SEMA4A: variants seen among roughly 807,000 people sequenced by gnomAD.
The protein encoded by SEMA4A is semaphorin 4A.
A neutral mutation model predicts 72.5 loss-of-function variants in SEMA4A; 52 were observed. The ratio of observed to expected loss-of-function variants is 0.72; its 90% CI spans 0.57 to 0.90. SEMA4A has a LOEUF of 0.90. Ranked by LOEUF, SEMA4A falls within the 40% of genes least tolerant of loss-of-function variation. SEMA4A has a pLI of 0.00. For missense variants in SEMA4A, 926 were observed against 959.7 expected (o/e 0.96, Z 0.46); for synonymous variants, 369 against 393.1 (o/e 0.94, Z 0.73).
rs1181334959 is a variant in SEMA4A at position 156,174,801 on chromosome 1, ACT to A, written c.1316-14_1316-13del. 1 of 1,613,898 alleles carries A rather than the reference ACT, an allele frequency of 6.2e-7. No individual in the cohort carries two copies. Among genetic ancestry groups the A allele is most frequent in the African/African-American group, 1.3e-5 (1 of 74,934 alleles). On this transcript the variant is annotated intron_variant, in intron 11 of 14. Coordinates refer to ENST00000368285, the MANE Select transcript of SEMA4A (RefSeq NM_022367.4). The stretch of plus-strand genomic sequence containing the variant: ...CTGTGGATGAGATGAGATGACTTCC[ACT>A]CTCTCTGTCTCCCCATAGCCACAGG...
intron 11 of SEMA4A, among the ~76,000 whole-genome samples, chr1:156,173,439 C>G (rs1348321160): frequency 6.6e-6 from 1 of 151,898 alleles, no homozygotes; most frequent in Non-Finnish European, 1.5e-5. Context: ...GTTTTTTCCC[C>G]CTCCTTGCCC....
At chr1:156,154,222 AAAGGAGGAAAG>A in intron 1 of SEMA4A, 1 of 309,960 alleles carries the variant, frequency 3.2e-6, no homozygotes. Context: ...GAGGGAAGGC[AAAGGAGGAAAG>A]ACAGGAAAGA....
At chr1:156,161,657 C>A in intron 9 of SEMA4A, 139 bp downstream of exon 9, 1 of 826,210 alleles carries the variant, frequency 1.2e-6, no homozygotes, top group Non-Finnish European at 1.9e-6. Context: ...AAATCGTCAC[C>A]ACCTCTCAGG....
At chr1:156,169,096 G>T (rs1003805109) in intron 10 of SEMA4A, among the ~76,000 whole-genome samples, 1 of 152,172 alleles carries the variant, frequency 6.6e-6, no homozygotes, top group Non-Finnish European at 1.5e-5. Context: ...CAGCTCTGTG[G>T]AGTTTGGAGA....
chr1:156,160,775 C>A, intron 7 of SEMA4A, 130 bp from the exon 8 acceptor site: 2 of 1,390,934 alleles, frequency 1.4e-6, no homozygotes, highest in Non-Finnish European at 2.0e-6. Flanking sequence ...ATCGCTACCC[C>A]TCGACAAGCT....
chr1:156,167,930 G>GT (rs958584751), intron 10 of SEMA4A, among the ~76,000 whole-genome samples: 34 of 151,016 alleles, frequency 2.3e-4, no homozygotes, highest in African/African-American at 6.8e-4. Flanking sequence ...TTTGTTTTTT[G>GT]TTTTTTTTGA....
upstream of SEMA4A, among the ~76,000 whole-genome samples, chr1:156,152,235 G>A (rs1018407119): frequency 2.0e-5 from 3 of 152,202 alleles, no homozygotes; most frequent in Non-Finnish European, 2.9e-5. Context: ...TAGAGGGGCT[G>A]GGGAAGAGGA....
At chr1:156,155,088 TAGA>T in intron 2 of SEMA4A, 1 of 301,210 alleles carries the variant, frequency 3.3e-6, no homozygotes, top group Admixed American at 4.8e-5. Flanking sequence ...AGGCCCATGC[TAGA>T]AGACCATATG....
In SEMA4A at chr1:156,176,963, C is replaced by T. The variant is rs1444413168; in HGVS notation, c.2252C>T (p.Ala751Val). ...ECRTSASDVD[A>V]DNNCLGTEVA The stretch of plus-strand genomic sequence containing the variant: ...AGGACCTCTGCCAGTGATGTGGACG[C>T]TGACAACAACTGCCTAGGCACTGAG... The change falls in exon 15 of 15, where the codon GCT (alanine) becomes GTT (valine). Residue 751 changes from alanine to valine, a missense_variant. Coordinates refer to ENST00000368285, the MANE Select transcript of SEMA4A (RefSeq NM_022367.4). 2 of 1,612,672 alleles carry T rather than the reference C, an allele frequency of 1.2e-6. No individual in the cohort carries two copies. The highest frequency in any genetic ancestry group is 1.7e-5 in the Admixed American group (1 of 60,036).
At chr1:156,169,887 TG>T (rs1283234659) in intron 10 of SEMA4A, among the ~76,000 whole-genome samples, 1 of 151,108 alleles carries the variant, frequency 6.6e-6, no homozygotes, top group Non-Finnish European at 1.5e-5. Context: ...TAGCTGGGTG[TG>T]GTTGTATGTG....
Position 156,157,495 on chromosome 1 carries a change from A to G in SEMA4A, c.301-575A>G, listed in dbSNP as rs181880065. Reference sequence around the variant, plus strand: ...CACTGTGCCTGGCTGCTTCTGTCTTAGTCGCCCTATTAATGGGAACAATGT... The same window carrying G: ...CACTGTGCCTGGCTGCTTCTGTCTTGGTCGCCCTATTAATGGGAACAATGT... On this transcript the variant is annotated intron_variant, in intron 3 of 14. Transcript: ENST00000368285. This position sits in a 1 kb window ranked among gnomAD's most constrained non-coding sequence, Gnocchi z 4.5. 2.0e-5 allele frequency among the ~76,000 whole-genome samples: 3 copies of G among 152,240 alleles called. No homozygotes were observed. The East Asian group carries it at 5.8e-4, about 29-fold the overall frequency.
chr1:156,164,187 G>A (rs540299560), intron 10 of SEMA4A, among the ~76,000 whole-genome samples: 3 of 152,188 alleles, frequency 2.0e-5, no homozygotes, highest in South Asian at 4.2e-4. Context: ...TAGATCTATA[G>A]GGTTGACTAT....
chr1:156,160,774 C>A, intron 7 of SEMA4A, 131 bp from the exon 8 acceptor site: 1 of 1,361,840 alleles, frequency 7.3e-7, no homozygotes, highest in East Asian at 2.3e-5. Context: ...CATCGCTACC[C>A]CTCGACAAGC....
chr1:156,154,429 C>T (rs530515695), intron 1 of SEMA4A, 121 bp from the exon 2 acceptor site: 180 of 877,826 alleles, frequency 2.1e-4, no homozygotes, highest in Non-Finnish European at 4.5e-5. Context: ...TTCTCTGCCC[C>T]AATGCCCCAC....
chr1:156,172,754 A>C, intron 10 of SEMA4A, 72 bp from the exon 11 acceptor site: 1 of 1,367,300 alleles, frequency 7.3e-7, no homozygotes, highest in Admixed American at 1.7e-5. Context: ...AAGGGAGAAG[A>C]GCAGGCGTTG....
In SEMA4A at chr1:156,172,915, G is replaced by A; in HGVS notation, c.1224G>A (p.Leu408=). The A allele has an allele frequency of 1.2e-6, 2 of 1,614,166 alleles. No homozygotes were observed. Among genetic ancestry groups the A allele is most frequent in the Non-Finnish European group, 1.7e-6 (2 of 1,180,012 alleles). Residue 408 remains leucine (L), a synonymous_variant, in exon 11 of 15, where the codon CTG becomes CTA. Coordinates refer to ENST00000368285, the MANE Select transcript of SEMA4A (RefSeq NM_022367.4). ...MDEQVVGTPL[L]VKSGVEYTRL... ...AGCAAGTGGTGGGGACGCCCCTGCT[G>A]GTGAAATCTGGCGTGGAGTATACAC...
intron 8 of SEMA4A, 54 bp downstream of exon 8, chr1:156,161,083 T>C (rs1558150921): frequency 7.3e-6 from 11 of 1,499,502 alleles, no homozygotes; most frequent in South Asian, 3.4e-5. Context: ...AATAGGGAGA[T>C]GGCAGGGGCA....
Position 156,177,018 on chromosome 1 carries a change from C to T in SEMA4A, c.*21C>T. The T allele has an allele frequency of 1.3e-6, 2 of 1,598,834 alleles. No individual in the cohort carries two copies. The highest frequency in any genetic ancestry group is 1.7e-6 in the Non-Finnish European group (2 of 1,176,464). On this transcript the variant is annotated 3_prime_UTR_variant, in exon 15 of 15. Coordinates refer to ENST00000368285, the MANE Select transcript of SEMA4A (RefSeq NM_022367.4). ...CTTAAACTCTAGGCACAGGCCGGGG[C>T]TGCGGTGCAGGCACCTGGCCATGCT...
chr1:156,171,848 A>G lies in SEMA4A; in HGVS notation c.1135-978A>G, dbSNP rs368254518. 5.3e-5 allele frequency among the ~76,000 whole-genome samples: 8 copies of G among 152,026 alleles called. No homozygotes were observed. The East Asian group carries it at 1.2e-3, about 22-fold the overall frequency. On this transcript the variant is annotated intron_variant, in intron 10 of 14. Coordinates refer to ENST00000368285, the MANE Select transcript of SEMA4A (RefSeq NM_022367.4). ...GCCCAAGCTGGAGTGCAGTGGCGCA[A>G]TCTCGGCTCACTGCAACCTCTGCCT...
Sources: allele counts gnomAD v4.1 joint callset (sites outside exome capture counted in the v4.1 genomes callset), GRCh38; gene constraint gnomAD v4.1.1; non-coding constraint Gnocchi (gnomAD v3.1); transcripts MANE v1.5; gene names NCBI Gene and HGNC (gene_info 2026-07-23, HGNC 2026-07-21).